Variants in HOOK2 observed in about 807,000 individuals in gnomAD.
HOOK2 encodes the protein protein Hook homolog 2.
A neutral mutation model predicts 111.9 loss-of-function variants in HOOK2; 108 were observed. The observed-to-expected ratio is 0.96, with a 90% CI of 0.83 to 1.13. The LOEUF is 1.13. Among genes scored for constraint, HOOK2 ranks in the 50% most tolerant of loss-of-function variants. The probability of loss-of-function intolerance (pLI) is 0.00; values close to 1 mark genes in which losing one functional copy is unlikely to be tolerated. For synonymous variants in HOOK2, 405 were observed against 394.3 expected (o/e 1.03, Z -0.32); for missense variants, 978 against 951.3 (o/e 1.03, Z -0.37).
At chr19:12,765,579 C>G (rs1362828030) in intron 18 of HOOK2, 111 bp downstream of exon 18, 1 of 1,399,268 alleles carries the variant, frequency 7.1e-7, no homozygotes, top group East Asian at 2.3e-5. Flanking sequence ...GAAACCCCGT[C>G]TCTACTAAAA....
chr19:12,789,837 C>T (rs1374058076), intron 3 of HOOK2, among the ~76,000 whole-genome samples: 2 of 151,802 alleles, frequency 1.3e-5, no homozygotes, highest in Non-Finnish European at 2.9e-5. Context: ...CGGGGCTGGT[C>T]GGGACTAGCA....
chr19:12,768,031 C>T lies in HOOK2; in HGVS notation c.1197G>A (p.Ser399=), dbSNP rs779230332. 10 of 1,614,194 alleles carry T rather than the reference C, an allele frequency of 6.2e-6. No individual in the cohort carries two copies. The highest frequency in any genetic ancestry group is 1.7e-5 in the Admixed American group (1 of 60,026). The change falls in exon 12 of 23, where the codon TCG becomes TCA. Residue 399 remains serine (S), a synonymous_variant. Transcript: ENST00000397668. ...GCCTCACCTCCTTCTCCTTTGTCAC[C>T]GACTCATACTTTTCCTCCAGGTTGC... ...ECRNLEEKYE[S]VTKEKERLLA...
At chr19:12,789,634 G>A (rs894176227) in intron 3 of HOOK2, among the ~76,000 whole-genome samples, 44 of 151,980 alleles carry the variant, frequency 2.9e-4, no homozygotes, top group African/African-American at 1.1e-3. Context: ...CAGGCGCCGG[G>A]GGCGCCTCGA....
In HOOK2 at chr19:12,786,773, C is replaced by A. The variant is rs1568380377; in HGVS notation, n.42-12548G>T. Among the ~76,000 whole-genome samples, 3 of 152,234 alleles carry A rather than the reference C, an allele frequency of 2.0e-5. No homozygotes were observed. Among genetic ancestry groups the A allele is most frequent in the Non-Finnish European group, 4.4e-5 (3 of 68,024 alleles). ...CCAATCTCCACCCCGTGCTCAAACA[C>A]CCATGCAGAGTGTTTGGAGGAACCC... is the stretch of plus-strand genomic sequence containing the variant. On this transcript the variant is annotated intron_variant and non_coding_transcript_variant, in intron 3 of 3. Transcript: ENST00000589765. This position sits in a 1 kb window ranked among gnomAD's most constrained non-coding sequence, Gnocchi z 4.3.
In HOOK2 at chr19:12,763,420, C is replaced by T. The variant is rs201813747; in HGVS notation, c.2022G>A (p.Leu674=). ...ISAWYNMGMA[L]QQRAGEERAP... is the part of the protein sequence containing the mutation. ...CCCGCTCCTCCCCAGCTCGCTGCTG[C>T]AAGGCCATGCCCTTCAGGAGGAGGT... is the stretch of plus-strand genomic sequence containing the variant. The change falls in exon 23 of 23, where the codon TTG becomes TTA. Residue 674 remains leucine (L), a synonymous_variant. Transcript: ENST00000397668. 1,321 of 1,613,924 alleles carry T rather than the reference C, an allele frequency of 8.2e-4. No individual in the cohort carries two copies. Among genetic ancestry groups the T allele is most frequent in the Non-Finnish European group, 1.0e-3 (1,195 of 1,179,938 alleles).
At position 12,774,831 on chromosome 19, in the gene HOOK2, C is replaced by A; in HGVS notation, c.112G>T (p.Ala38Ser). The change falls in exon 2 of 23, where the codon GCC becomes TCC. Residue 38 changes from alanine to serine, a missense_variant. Coordinates refer to ENST00000397668, the MANE Select transcript of HOOK2 (RefSeq NM_013312.3). The stretch of plus-strand genomic sequence containing the variant: ...ACTCACATCTGGTTCAGCACATAGG[C>A]TACGGCAAGGCCGCTGCTCAGGTCC... ...PQDLSSGLAVAYVLNQIDPSW... is the reference protein window; with the variant it reads ...PQDLSSGLAVSYVLNQIDPSW... 1.2e-6 allele frequency: 2 copies of A among 1,614,116 alleles called. No individual in the cohort carries two copies. Among genetic ancestry groups the A allele is most frequent in the Non-Finnish European group, 1.7e-6 (2 of 1,179,992 alleles).
chr19:12,776,673 CA>C (rs59092661), upstream of HOOK2, among the ~76,000 whole-genome samples: 183 of 95,778 alleles, frequency 1.9e-3, no homozygotes, highest in East Asian at 3.9e-3. Context: ...CAAGACTCCT[CA>C]AAAAAAAAAA....
Position 12,765,939 on chromosome 19 carries a change from G to GC in HOOK2, c.1586dup (p.Lys530GlnfsTer3), listed in dbSNP as rs768806444. 2 of 1,614,034 alleles carry GC rather than the reference G, an allele frequency of 1.2e-6. No individual in the cohort carries two copies. The highest frequency in any genetic ancestry group is 2.2e-5 in the East Asian group (1 of 44,882). The stretch of plus-strand genomic sequence containing the variant: ...GGGTGACACTCACATCTTCAGTCTT[G>GC]CCCCCCTGCTCCTGCAGGGCTTTCT... On this transcript the variant is annotated frameshift_variant, in exon 16 of 23. Coordinates refer to ENST00000397668, the MANE Select transcript of HOOK2 (RefSeq NM_013312.3). LOFTEE classifies it high-confidence loss of function.
chr19:12,776,914 T>A (rs1020143201), upstream of HOOK2, among the ~76,000 whole-genome samples: 9 of 151,518 alleles, frequency 5.9e-5, no homozygotes, highest in Non-Finnish European at 1.2e-4. Context: ...TCCCAGCACT[T>A]TGGGAGGCCT....
intron 10 of HOOK2, 99 bp from the exon 11 acceptor site, chr19:12,770,181 A>T: frequency 9.0e-7 from 1 of 1,111,934 alleles, no homozygotes. Context: ...GTTCAGCCTG[A>T]GGCTTTTGGG....
chr19:12,772,558 A>C, intron 6 of HOOK2, 55 bp downstream of exon 6: 85 of 1,572,652 alleles, frequency 5.4e-5, no homozygotes, highest in Non-Finnish European at 7.0e-5. Flanking sequence ...TCTCTGCCCT[A>C]GAGATGTCCC....
At chr19:12,787,733 T>C (rs1968671196) in intron 3 of HOOK2, among the ~76,000 whole-genome samples, 2 of 152,020 alleles carry the variant, frequency 1.3e-5, no homozygotes, top group South Asian at 2.1e-4. Context: ...TGAGCCACTG[T>C]GTTTGGCCAA....
rs899772690 is a variant in HOOK2, at chr19:12,775,013, G to C, written c.46-116C>G. 8 of 1,157,496 alleles carry C rather than the reference G, an allele frequency of 6.9e-6. No homozygotes were observed. In the African/African-American group the frequency reaches 1.1e-4, roughly 16 times the overall value. 71.7% of individuals were successfully genotyped at this position (1,157,496 alleles called of 1,614,324 possible). On this transcript the variant is annotated intron_variant, in intron 1 of 22. Transcript: ENST00000397668. Reference sequence around the variant, plus strand: ...CACATGGTGGGGCGGGCGCTGCTCCGCCACAGCAGCTCTGCGAGGGACTGG... The same window carrying C: ...CACATGGTGGGGCGGGCGCTGCTCCCCCACAGCAGCTCTGCGAGGGACTGG...
chr19:12,766,198 G>A lies in HOOK2; in HGVS notation c.1416C>T (p.Cys472=), dbSNP rs911593756. Residue 472 remains cysteine (C), a synonymous_variant, in exon 15 of 23, where the codon TGC becomes TGT. Transcript: ENST00000397668. ...LRLQLENKRL[C]RQEAADRERQ... is the part of the protein sequence containing the mutation. The stretch of plus-strand genomic sequence containing the variant: ...GCTCCCGGTCGGCCGCCTCCTGCCT[G>A]CACAGCCGCTTGTTCTCCAGCTGAA... The A allele has an allele frequency of 2.5e-6, 4 of 1,595,506 alleles. No individual in the cohort carries two copies. The highest frequency in any genetic ancestry group is 1.9e-4 in the Middle Eastern group (1 of 5,272).
chr19:12,774,376 G>A (rs1036463632), intron 3 of HOOK2: 2 of 483,346 alleles, frequency 4.1e-6, no homozygotes, highest in African/African-American at 1.9e-5. Context: ...AAAGTGTTGG[G>A]ATTACAGGCA....
In HOOK2 at chr19:12,772,245, G is replaced by A. The variant is rs746576395; in HGVS notation, c.464C>T (p.Thr155Ile). ...VVMEAIQELMTKDTPDSLSPE... is the reference protein window; with the variant it reads ...VVMEAIQELMIKDTPDSLSPE... ...TGACAGGGAGTCAGGAGTGTCTTTGGTCATGAGCTGAGGAGTGGGAAGGGG... is the reference window on the plus strand; with the variant it reads ...TGACAGGGAGTCAGGAGTGTCTTTGATCATGAGCTGAGGAGTGGGAAGGGG... Residue 155 changes from threonine to isoleucine, a missense_variant, in exon 7 of 23, where the codon ACC becomes ATC. Thr to Ile is a moderately conservative substitution (Grantham distance 89, BLOSUM62 -1). Coordinates refer to ENST00000397668, the MANE Select transcript of HOOK2 (RefSeq NM_013312.3). The A allele has an allele frequency of 1.2e-6, 2 of 1,614,016 alleles. No individual in the cohort carries two copies. The highest frequency in any genetic ancestry group is 1.7e-6 in the Non-Finnish European group (2 of 1,179,878).
rs1303913553 is a variant in HOOK2, at chr19:12,786,072, T to C, written n.42-11847A>G. The stretch of plus-strand genomic sequence containing the variant: ...CCTGGAGAGAGAGAAAGAGAGAGAC[T>C]CTCCTTCCTGCTTCCAAGAAAACCT... On this transcript the variant is annotated intron_variant and non_coding_transcript_variant, in intron 3 of 3. Coordinates refer to the HOOK2 transcript ENST00000589765. The surrounding 1 kb of genome is among the most constrained non-coding windows in gnomAD (Gnocchi z 4.3). Among the ~76,000 whole-genome samples, 2 of 151,976 alleles carry C rather than the reference T, an allele frequency of 1.3e-5. No individual in the cohort carries two copies. The highest frequency in any genetic ancestry group is 2.9e-5 in the Non-Finnish European group (2 of 67,986).
At chr19:12,766,496 G>A (rs1398069063) in intron 14 of HOOK2, 4 of 453,872 alleles carry the variant, frequency 8.8e-6, no homozygotes, top group African/African-American at 8.1e-5. Flanking sequence ...CAGCTGGGAT[G>A]GGACTGCTGG....
chr19:12,763,334 C>G lies in HOOK2; in HGVS notation c.2108G>C (p.Gly703Ala). 6.2e-7 allele frequency: 1 copy of G among 1,614,146 alleles called. No individual in the cohort carries two copies. Among genetic ancestry groups the G allele is most frequent in the South Asian group, 1.1e-5 (1 of 91,078 alleles). The change falls in exon 23 of 23, where the codon GGA becomes GCA. Residue 703 changes from glycine (G) to alanine (A), a missense_variant. By Grantham distance (60) the Gly-to-Ala change is moderately conservative (BLOSUM62 0). Transcript: ENST00000397668. ...QQRLATNSRR[G>A]PLGRLASLNL... ...CAGAGATGCCAGGCGTCCCAAGGGTCCACGGCGAGAATTGGTTGCCAGCCG... is the reference window on the plus strand; with the variant it reads ...CAGAGATGCCAGGCGTCCCAAGGGTGCACGGCGAGAATTGGTTGCCAGCCG...
Sources: allele counts gnomAD v4.1 joint callset (sites outside exome capture counted in the v4.1 genomes callset), GRCh38; gene constraint gnomAD v4.1.1; non-coding constraint Gnocchi (gnomAD v3.1); transcripts MANE v1.5; gene names NCBI Gene and HGNC (gene_info 2026-07-23, HGNC 2026-07-21).